ADCY2: variants seen among roughly 807,000 people sequenced by gnomAD.
ADCY2 encodes adenylate cyclase 2.
A neutral mutation model predicts 125.2 loss-of-function variants in ADCY2; 31 were observed. The ratio of observed to expected loss-of-function variants is 0.25; its 90% CI spans 0.19 to 0.33. The LOEUF (loss-of-function observed/expected upper bound fraction) is 0.33. ADCY2 is among the 10% of genes least tolerant of loss of function. ADCY2 has a pLI of 1.00. For synonymous variants in ADCY2, 512 were observed against 548.4 expected (o/e 0.93, Z 0.93); for missense variants, 904 against 1,418.2 (o/e 0.64, Z 5.82).
At chr5:7,774,568 G>A (rs1743657515) in intron 18 of ADCY2, among the ~76,000 whole-genome samples, 1 of 152,216 alleles carries the variant, frequency 6.6e-6, no homozygotes, top group Non-Finnish European at 1.5e-5. Flanking sequence ...GGTGTGGAGA[G>A]AATTGCTTCT....
At chr5:7,592,880 A>G (rs1736895290) in intron 3 of ADCY2, among the ~76,000 whole-genome samples, 1 of 152,214 alleles carries the variant, frequency 6.6e-6, no homozygotes, top group Admixed American at 6.5e-5. Flanking sequence ...ATTAAATAGT[A>G]ATGAAGGATG....
intron 19 of ADCY2, among the ~76,000 whole-genome samples, chr5:7,788,297 A>G (rs566771144): frequency 6.6e-6 from 1 of 152,238 alleles, no homozygotes; most frequent in South Asian, 2.1e-4. Context: ...CTCCTGCTTC[A>G]GCCTCTTGAG....
At chr5:7,729,807 AT>A (rs1402375634) in intron 14 of ADCY2, among the ~76,000 whole-genome samples, 1 of 148,398 alleles carries the variant, frequency 6.7e-6, no homozygotes, top group African/African-American at 2.4e-5. Context: ...TAAAATTTCA[AT>A]ATATATTATT....
rs542925415 is a variant in ADCY2, at chr5:7,482,652, T to A, written c.409-38086T>A. Among the ~76,000 whole-genome samples, 6 of 151,852 alleles carry A rather than the reference T, an allele frequency of 4.0e-5. No individual in the cohort carries two copies. In the South Asian group the frequency reaches 1.0e-3, roughly 26 times the overall value. On this transcript the variant is annotated intron_variant, in intron 2 of 24. Coordinates refer to ENST00000338316, the MANE Select transcript of ADCY2 (RefSeq NM_020546.3). ...TGGGTATTTATCCAAGGAAAAGAAA[T>A]CCTTATATCAAAGAGATACCTGCAC...
At chr5:7,650,954 A>C (rs185300088) in intron 4 of ADCY2, among the ~76,000 whole-genome samples, 1 of 151,822 alleles carries the variant, frequency 6.6e-6, no homozygotes, top group Non-Finnish European at 1.5e-5. Context: ...TTAGGTTACC[A>C]CTCCTTGGTG....
At chr5:7,633,419 G>A (rs1341518907) in intron 4 of ADCY2, among the ~76,000 whole-genome samples, 1 of 146,834 alleles carries the variant, frequency 6.8e-6, no homozygotes, top group African/African-American at 2.5e-5. Context: ...CTGGGCAACA[G>A]AGCAAGACTC....
chr5:7,807,717 C>T (rs1052144604), intron 22 of ADCY2, among the ~76,000 whole-genome samples: 1 of 152,216 alleles, frequency 6.6e-6, no homozygotes, highest in African/African-American at 2.4e-5. Context: ...TTCCTATAGA[C>T]ACCCTGCTTT....
At chr5:7,593,786 G>A (rs2126628210) in intron 3 of ADCY2, among the ~76,000 whole-genome samples, 1 of 152,104 alleles carries the variant, frequency 6.6e-6, no homozygotes, top group South Asian at 2.1e-4. Context: ...GGGGGAAGAT[G>A]AGACAATAGA....
chr5:7,686,167 T>C (rs1166269302), intron 4 of ADCY2, among the ~76,000 whole-genome samples: 1 of 152,234 alleles, frequency 6.6e-6, no homozygotes, highest in East Asian at 1.9e-4. Flanking sequence ...TATTTCTATA[T>C]CTTAGCTTAA....
At chr5:7,446,306 G>A (rs932025008) in intron 2 of ADCY2, among the ~76,000 whole-genome samples, 3 of 151,978 alleles carry the variant, frequency 2.0e-5, no homozygotes, top group African/African-American at 7.3e-5. Context: ...TGTAGTCTCT[G>A]GCATTATAAA....
At chr5:7,650,277 C>G (rs1309593643) in intron 4 of ADCY2, among the ~76,000 whole-genome samples, 1 of 151,152 alleles carries the variant, frequency 6.6e-6, no homozygotes, top group Non-Finnish European at 1.5e-5. Context: ...TGTCACACTT[C>G]CTTTATTTCA....
At chr5:7,624,247 C>T (rs1160120762) in intron 3 of ADCY2, among the ~76,000 whole-genome samples, 1 of 152,198 alleles carries the variant, frequency 6.6e-6, no homozygotes, top group Non-Finnish European at 1.5e-5. Context: ...TGTTTTCCTC[C>T]TGTGTTCAGA....
chr5:7,700,719 C>CCACACACACACA (rs56197160), intron 7 of ADCY2, among the ~76,000 whole-genome samples: 52 of 98,338 alleles, frequency 5.3e-4, no homozygotes, highest in East Asian at 1.9e-3. Flanking sequence ...CTCGCACCCA[C>CCACACACACACA]CACACACACA....
intron 4 of ADCY2, among the ~76,000 whole-genome samples, chr5:7,673,257 A>T (rs1561158676): frequency 1.3e-3 from 16 of 11,968 alleles, no homozygotes; most frequent in East Asian, 3.8e-3. Context: ...AAAAAAAAAA[A>T]AAAAAAAAAA....
chr5:7,506,312 T>G (rs1280240989), intron 2 of ADCY2, among the ~76,000 whole-genome samples: 1 of 152,184 alleles, frequency 6.6e-6, no homozygotes, highest in Non-Finnish European at 1.5e-5. Context: ...TGCAGACTAT[T>G]TTTAGATGTT....
At chr5:7,440,707 A>T (rs1176656492) in intron 2 of ADCY2, among the ~76,000 whole-genome samples, 2 of 152,194 alleles carry the variant, frequency 1.3e-5, no homozygotes, top group African/African-American at 4.8e-5. Flanking sequence ...TTTCTTAGAG[A>T]TAGGAAAAAC....
intron 2 of ADCY2, among the ~76,000 whole-genome samples, chr5:7,475,056 C>A (rs954129894): frequency 6.6e-6 from 1 of 152,120 alleles, no homozygotes; most frequent in African/African-American, 2.4e-5. Flanking sequence ...CAGGGGGAGT[C>A]CTCCCACCTC....
At chr5:7,764,277 A>G (rs935189011) in intron 16 of ADCY2, among the ~76,000 whole-genome samples, 1 of 152,246 alleles carries the variant, frequency 6.6e-6, no homozygotes, top group Non-Finnish European at 1.5e-5. Context: ...TGAGAATCAC[A>G]TATGAGTGGC....
At chr5:7,741,105 G>T (rs1399275153) in intron 14 of ADCY2, among the ~76,000 whole-genome samples, 1 of 151,760 alleles carries the variant, frequency 6.6e-6, no homozygotes. Context: ...TAAATTATAA[G>T]AAAATATTAT....
Sources: allele counts gnomAD v4.1 joint callset (sites outside exome capture counted in the v4.1 genomes callset), GRCh38; gene constraint gnomAD v4.1.1; transcripts MANE v1.5; gene names NCBI Gene and HGNC (gene_info 2026-07-23, HGNC 2026-07-21).